Variants in IL1RAPL2 observed in about 807,000 individuals in gnomAD.
The protein encoded by IL1RAPL2 is X-linked interleukin-1 receptor accessory protein-like 2.
A neutral mutation model predicts 44.1 loss-of-function variants in IL1RAPL2; 3 were observed. That is an observed-to-expected ratio of 0.07 (90% confidence interval 0.03 to 0.18). The LOEUF (loss-of-function observed/expected upper bound fraction) is 0.18, where lower values mean the gene tolerates loss of function less well. Among genes scored for constraint, IL1RAPL2 ranks in the 10% least tolerant of loss-of-function variants. The pLI is 1.00. For synonymous variants in IL1RAPL2, 181 were observed against 178.8 expected (o/e 1.01, Z -0.10); for missense variants, 391 against 496.4 (o/e 0.79, Z 2.02).
chrX:105,522,211 G>A (rs1019675966), intron 6 of IL1RAPL2, among the ~76,000 whole-genome samples: 1 of 111,975 alleles, frequency 8.9e-6, no homozygotes, highest in African/African-American at 3.2e-5. Flanking sequence ...TTAGTTTGAG[G>A]GAGGTGATTT....
chrX:104,802,729 A>G (rs1319132558), intron 2 of IL1RAPL2, among the ~76,000 whole-genome samples: 4 of 111,890 alleles, frequency 3.6e-5, no homozygotes, highest in Non-Finnish European at 7.5e-5. Context: ...TATCTGTTGT[A>G]TTTTAATAAT....
chrX:104,724,277 T>G (rs1251802415), intron 2 of IL1RAPL2, among the ~76,000 whole-genome samples: 4 of 110,598 alleles, frequency 3.6e-5, no homozygotes, highest in African/African-American at 6.6e-5. Context: ...TGGCAAAATA[T>G]GAGAGGTTAA....
intron 2 of IL1RAPL2, among the ~76,000 whole-genome samples, chrX:104,729,234 A>T (rs972737031): frequency 1.9e-4 from 21 of 111,548 alleles, no homozygotes; most frequent in Non-Finnish European, 3.8e-4. Context: ...TAAAACAATT[A>T]AATTCATATG....
At position 105,432,129 on chromosome X, in the gene IL1RAPL2, CTTTTTT is replaced by C. The variant is rs386417369; in HGVS notation, c.698-52166_698-52161del. Among the ~76,000 whole-genome samples the C allele has an allele frequency of 4.7e-3, 209 of 44,834 alleles. 1 individual carries two copies. Among genetic ancestry groups the C allele is most frequent in the African/African-American group, 0.016 (178 of 10,921 alleles). 38.9% of individuals were successfully genotyped at this position (44,834 alleles called of 115,157 possible). A position where few individuals can be genotyped will look rare whatever the true frequency, so the allele number is the denominator to read the frequency against. Reference sequence around the variant, plus strand: ...AGTAGATTCAGTGTCTTCAATTTGCCTTTTTTTTTTTTTTTTTTTTTTTCACTTTTC... The same window carrying C: ...AGTAGATTCAGTGTCTTCAATTTGCCTTTTTTTTTTTTTTTTTCACTTTTC... On this transcript the variant is annotated intron_variant, in intron 5 of 10. Transcript: ENST00000372582.
chrX:105,067,227 C>T (rs906998632), intron 2 of IL1RAPL2, among the ~76,000 whole-genome samples: 4 of 111,062 alleles, frequency 3.6e-5, no homozygotes, highest in Non-Finnish European at 7.5e-5. Flanking sequence ...CGCGCACACA[C>T]ACATACACAC....
At chrX:105,719,719 AT>A (rs1218395022) in intron 7 of IL1RAPL2, among the ~76,000 whole-genome samples, 2 of 105,395 alleles carry the variant, frequency 1.9e-5, no homozygotes, top group African/African-American at 7.3e-5. Context: ...TGGCATATAC[AT>A]TTTATCTCAA....
At chrX:104,973,813 A>C (rs188789314) in intron 2 of IL1RAPL2, among the ~76,000 whole-genome samples, 177 of 111,893 alleles carry the variant, frequency 1.6e-3, no homozygotes, top group Non-Finnish European at 2.7e-3. Flanking sequence ...TTTCTTAAAT[A>C]ACCAATCATT....
rs1370506616 is a variant in IL1RAPL2 at position 105,094,859 on chromosome X, T to C, written c.83-100616T>C. On this transcript the variant is annotated intron_variant, in intron 2 of 10. Transcript: ENST00000372582. ...TACTTAGGTCTTTAATTTCTTTTGG[T>C]AATGTTTTACAGTACTTAGTGTGCA... 2.7e-5 allele frequency among the ~76,000 whole-genome samples: 3 copies of C among 111,640 alleles called. No homozygotes were observed. The Admixed American group carries it at 2.9e-4, about 11-fold the overall frequency.
intron 6 of IL1RAPL2, among the ~76,000 whole-genome samples, chrX:105,487,383 C>CATCCTATAAGATTACAAAA (rs1197892639): frequency 1.3e-4 from 15 of 111,591 alleles, no homozygotes; most frequent in Middle Eastern, 4.3e-3. Context: ...CCAAAATACC[C>CATCCTATAAGATTACAAAA]TACCAAGTAC....
At chrX:105,098,109 TAGAAGA>T (rs767812204) in intron 2 of IL1RAPL2, among the ~76,000 whole-genome samples, 1 of 112,234 alleles carries the variant, frequency 8.9e-6, no homozygotes, top group African/African-American at 3.2e-5. Flanking sequence ...TAGCATATAG[TAGAAGA>T]AGTGTCTATG....
chrX:105,000,471 G>T (rs1465284721), intron 2 of IL1RAPL2, among the ~76,000 whole-genome samples: 2 of 110,763 alleles, frequency 1.8e-5, no homozygotes, highest in Non-Finnish European at 3.8e-5. Flanking sequence ...CCCTACCTGA[G>T]ATTATTATGG....
At chrX:104,916,174 C>T (rs1299317662) in intron 2 of IL1RAPL2, among the ~76,000 whole-genome samples, 1 of 111,748 alleles carries the variant, frequency 8.9e-6, no homozygotes, top group Non-Finnish European at 1.9e-5. Flanking sequence ...AGGCCATTTT[C>T]ACGATATTGA....
intron 1 of IL1RAPL2, among the ~76,000 whole-genome samples, chrX:104,610,236 C>G (rs904660651): frequency 6.3e-5 from 7 of 111,007 alleles, no homozygotes; most frequent in African/African-American, 1.6e-4. Context: ...CCGGGATGCC[C>G]TCTCTCACCA....
rs748271779 is a variant in IL1RAPL2 at position 104,894,704 on chromosome X, T to C, written c.82+235709T>C. On this transcript the variant is annotated intron_variant, in intron 2 of 10. Coordinates refer to ENST00000372582, the MANE Select transcript of IL1RAPL2 (RefSeq NM_017416.2). Reference sequence around the variant, plus strand: ...CCATTCATCTAATCTTTTTTCCAGGTTTTTAGCTTCTTTGCAATGGTTTCA... The same window carrying C: ...CCATTCATCTAATCTTTTTTCCAGGCTTTTAGCTTCTTTGCAATGGTTTCA... Among the ~76,000 whole-genome samples the C allele has an allele frequency of 3.6e-5, 4 of 111,845 alleles. No individual in the cohort carries two copies. The East Asian group carries it at 8.5e-4, about 24-fold the overall frequency.
chrX:104,969,307 G>A (rs1487858384), intron 2 of IL1RAPL2, among the ~76,000 whole-genome samples: 1 of 110,093 alleles, frequency 9.1e-6, no homozygotes, highest in Non-Finnish European at 1.9e-5. Flanking sequence ...TGGAATCACT[G>A]GTTAATACAC....
intron 1 of IL1RAPL2, among the ~76,000 whole-genome samples, chrX:104,614,877 C>T (rs1220302480): frequency 1.8e-5 from 2 of 111,533 alleles, no homozygotes; most frequent in African/African-American, 3.3e-5. Context: ...GGTGTCATTA[C>T]ATTTATATGT....
chrX:105,075,516 G>C (rs1046977709), intron 2 of IL1RAPL2, among the ~76,000 whole-genome samples: 1 of 111,323 alleles, frequency 9.0e-6, no homozygotes, highest in Non-Finnish European at 1.9e-5. Flanking sequence ...TTTTAGTTGT[G>C]TCTCTGCCAG....
intron 5 of IL1RAPL2, among the ~76,000 whole-genome samples, chrX:105,353,395 A>G (rs1602372301): frequency 1.8e-5 from 2 of 111,398 alleles, no homozygotes; most frequent in African/African-American, 6.5e-5. Context: ...TTTGGCTTAG[A>G]ATTGACTTGG....
At chrX:104,950,272 G>A (rs924534537) in intron 2 of IL1RAPL2, among the ~76,000 whole-genome samples, 4 of 111,734 alleles carry the variant, frequency 3.6e-5, no homozygotes, top group African/African-American at 1.3e-4. Flanking sequence ...CCATTTCCTT[G>A]GTAGATCTTC....
Sources: allele counts gnomAD v4.1 joint callset (sites outside exome capture counted in the v4.1 genomes callset), GRCh38; gene constraint gnomAD v4.1.1; transcripts MANE v1.5; gene names NCBI Gene and HGNC (gene_info 2026-07-23, HGNC 2026-07-21).